Variants in SLIT2 observed in about 807,000 individuals in gnomAD.
The protein encoded by SLIT2 is slit guidance ligand 2, also known as slit homolog 2 protein.
Under a neutral mutation model 185.7 loss-of-function variants are expected in SLIT2, and 41 were observed. That is an observed-to-expected ratio of 0.22 (90% CI 0.17 to 0.29). The LOEUF is 0.29. SLIT2 is among the 10% of genes least tolerant of loss of function. SLIT2 has a pLI of 1.00. For synonymous variants in SLIT2, 693 were observed against 680.2 expected, an observed-to-expected ratio of 1.02 and a Z score of -0.29; for missense variants, 1,571 against 1,909.0, an observed-to-expected ratio of 0.82 and a Z score of 3.30.
intron 4 of SLIT2, among the ~76,000 whole-genome samples, chr4:20,456,725 ATG>A (rs764808213): frequency 3.3e-5 from 5 of 152,116 alleles, no homozygotes; most frequent in Admixed American, 2.0e-4. Flanking sequence ...TATCCATGCT[ATG>A]TTGACTAAAT....
At chr4:20,463,475 A>ATATATATATC in intron 4 of SLIT2, among the ~76,000 whole-genome samples, 1 of 96,178 alleles carries the variant, frequency 1.0e-5, no homozygotes, top group Non-Finnish European at 2.1e-5. Flanking sequence ...ATATATATAT[A>ATATATATATC]TATATATATA....
At chr4:20,556,910 C>G (rs1724308043) in intron 26 of SLIT2, among the ~76,000 whole-genome samples, 1 of 152,022 alleles carries the variant, frequency 6.6e-6, no homozygotes, top group Admixed American at 6.6e-5. Context: ...ATGAAACAGC[C>G]TTATTGCTGA....
intron 4 of SLIT2, among the ~76,000 whole-genome samples, chr4:20,450,278 A>G (rs1216685798): frequency 6.6e-6 from 1 of 152,202 alleles, no homozygotes; most frequent in Non-Finnish European, 1.5e-5. Flanking sequence ...TGAGTATTAA[A>G]TCCTATTCCA....
chr4:20,528,922 CT>C lies in SLIT2; in HGVS notation c.1463-19del, dbSNP rs751275909. Reference sequence around the variant, plus strand: ...ATTTTCTAACCTTTAGACTCAGTATCTTTTTTTTGGTTTGAATTCTCAATAG... The same window carrying C: ...ATTTTCTAACCTTTAGACTCAGTATCTTTTTTTGGTTTGAATTCTCAATAG... On this transcript the variant is annotated intron_variant, in intron 15 of 36. Coordinates refer to ENST00000504154, the MANE Select transcript of SLIT2 (RefSeq NM_004787.4). The surrounding 1 kb of genome is among the most constrained non-coding windows in gnomAD (Gnocchi z 4.2). 1.0e-4 allele frequency: 157 copies of C among 1,573,810 alleles called. No individual in the cohort carries two copies. The highest frequency in any genetic ancestry group is 2.6e-4 in the South Asian group (23 of 87,234).
At chr4:20,297,859 A>G (rs1196722876) in intron 4 of SLIT2, among the ~76,000 whole-genome samples, 2 of 152,180 alleles carry the variant, frequency 1.3e-5, no homozygotes, top group African/African-American at 2.4e-5. Context: ...GTATCTCATA[A>G]AAGTTTTAAT....
chr4:20,439,765 A>G (rs1729608843), intron 4 of SLIT2, among the ~76,000 whole-genome samples: 1 of 152,212 alleles, frequency 6.6e-6, no homozygotes, highest in South Asian at 2.1e-4. Flanking sequence ...CAATCTACTA[A>G]TATCTGAACC....
intron 4 of SLIT2, among the ~76,000 whole-genome samples, chr4:20,290,059 C>T (rs755946141): frequency 5.3e-5 from 8 of 152,168 alleles, no homozygotes; most frequent in Non-Finnish European, 1.2e-4. Context: ...GCTTGCTCTA[C>T]CTGCTCATCT....
At position 20,593,986 on chromosome 4, in the gene SLIT2, GTACATACATATACACACACA is replaced by G. The variant is rs1179586653; in HGVS notation, c.3183-1704_3183-1685del. 4.1e-3 allele frequency among the ~76,000 whole-genome samples: 601 copies of G among 146,454 alleles called. 7 individuals are homozygous for G. The highest frequency in any genetic ancestry group is 0.014 in the African/African-American group (566 of 39,486). On this transcript the variant is annotated intron_variant, in intron 30 of 36. Coordinates refer to ENST00000504154, the MANE Select transcript of SLIT2 (RefSeq NM_004787.4). ...TGTGTATGTATATGTATATACACAT[GTACATACATATACACACACA>G]TACATATGTATGTGTGTATATATGT...
At chr4:20,266,190 A>C (rs1216824441) in intron 3 of SLIT2, among the ~76,000 whole-genome samples, 1 of 151,958 alleles carries the variant, frequency 6.6e-6, no homozygotes, top group African/African-American at 2.4e-5. Context: ...AGAAAAAAAA[A>C]AACCACTTCT....
At chr4:20,419,632 AC>A (rs1727998785) in intron 4 of SLIT2, among the ~76,000 whole-genome samples, 2 of 150,530 alleles carry the variant, frequency 1.3e-5, no homozygotes, top group South Asian at 4.2e-4. Flanking sequence ...GATGGCATAT[AC>A]CTGGCTGTGT....
chr4:20,514,982 T>C lies in SLIT2; in HGVS notation c.1058+3845T>C, dbSNP rs115221903. Among the ~76,000 whole-genome samples the C allele has an allele frequency of 3.7e-3, 562 of 152,324 alleles. 2 individuals carry two copies. Among genetic ancestry groups the C allele is most frequent in the African/African-American group, 0.013 (540 of 41,578 alleles). ...TTAAGAATTCAGCATACTAGTATTT[T>C]TAGCATTGTCTGTAAACAGTTTTTA... is the stretch of plus-strand genomic sequence containing the variant. On this transcript the variant is annotated intron_variant, in intron 11 of 36. Transcript: ENST00000504154.
At chr4:20,520,896 G>A (rs1720783505) in intron 12 of SLIT2, among the ~76,000 whole-genome samples, 2 of 151,830 alleles carry the variant, frequency 1.3e-5, no homozygotes, top group African/African-American at 4.8e-5. Context: ...ACTTTATTTG[G>A]GTTTCAGATT....
chr4:20,260,572 T>C (rs1463132695), intron 3 of SLIT2, among the ~76,000 whole-genome samples: 1 of 151,882 alleles, frequency 6.6e-6, no homozygotes, highest in Non-Finnish European at 1.5e-5. Flanking sequence ...TTCATAGTTA[T>C]ACATTTTTCT....
At chr4:20,389,247 T>C (rs948958171) in intron 4 of SLIT2, among the ~76,000 whole-genome samples, 11 of 151,876 alleles carry the variant, frequency 7.2e-5, no homozygotes, top group Admixed American at 7.2e-4. Context: ...TTATCATCAA[T>C]ATATTATTGT....
intron 2 of SLIT2, among the ~76,000 whole-genome samples, chr4:20,257,171 A>G (rs942891649): frequency 3.3e-5 from 5 of 152,280 alleles, no homozygotes; most frequent in Middle Eastern, 6.8e-3. Flanking sequence ...ATCAAGCATT[A>G]AAATCAACCA....
At chr4:20,603,850 T>C (rs959427699) in intron 33 of SLIT2, among the ~76,000 whole-genome samples, 11 of 152,200 alleles carry the variant, frequency 7.2e-5, no homozygotes, top group Non-Finnish European at 1.3e-4. Flanking sequence ...TTCAGTCTCA[T>C]TGGGGAGACA....
chr4:20,318,304 G>C (rs745462095), intron 4 of SLIT2, among the ~76,000 whole-genome samples: 1 of 152,048 alleles, frequency 6.6e-6, no homozygotes, highest in Admixed American at 6.6e-5. Flanking sequence ...AAAGAAGCTC[G>C]GGCCTAGCTT....
At chr4:20,394,373 T>C (rs556875048) in intron 4 of SLIT2, among the ~76,000 whole-genome samples, 11 of 152,054 alleles carry the variant, frequency 7.2e-5, no homozygotes, top group Non-Finnish European at 1.6e-4. Context: ...TTCCCTTAAA[T>C]GTGAACTTAT....
intron 4 of SLIT2, among the ~76,000 whole-genome samples, chr4:20,310,064 C>CTAG (rs1169172795): frequency 6.6e-6 from 1 of 151,980 alleles, no homozygotes; most frequent in Non-Finnish European, 1.5e-5. Context: ...TCCGGCCCCT[C>CTAG]TAGTCTCTTA....
Sources: gnomAD v4.1 joint callset for allele counts (sites outside exome capture counted in the v4.1 genomes callset) on GRCh38, gnomAD v4.1.1 for gene constraint, Gnocchi (gnomAD v3.1) non-coding constraint, MANE v1.5 for transcripts, NCBI Gene and HGNC (gene_info 2026-07-23, HGNC 2026-07-21) for gene names.